Variants in ATP11A observed in about 807,000 individuals in gnomAD.
ATP11A encodes ATPase phospholipid transporting 11A, also known as phospholipid-transporting ATPase IH.
In ATP11A, 81 loss-of-function variants were observed where a neutral mutation model predicts 154.4. That is an observed-to-expected ratio of 0.52 (90% CI 0.44 to 0.63). The LOEUF is 0.63. Ranked by LOEUF, ATP11A falls within the 30% of genes least tolerant of loss-of-function variation. ATP11A has a pLI of 0.00. For missense variants in ATP11A, 1,316 were observed against 1,474.3 expected (o/e 0.89, Z 1.76); for synonymous variants, 623 against 585.9 (o/e 1.06, Z -0.91).
In ATP11A at chr13:112,753,149, C is replaced by T. The variant is rs749671465; in HGVS notation, c.40-31986C>T. ...CCAGACTTTTTTCTCTCTGTCCCTC[C>T]GTCCCTTTGTACCTGCGTGTTATGT... On this transcript the variant is annotated intron_variant, in intron 1 of 29. Transcript: ENST00000375645. The surrounding 1 kb of genome is among the most constrained non-coding windows in gnomAD (Gnocchi z 4.1). 2.0e-5 allele frequency among the ~76,000 whole-genome samples: 3 copies of T among 152,146 alleles called. No homozygotes were observed. The highest frequency in any genetic ancestry group is 6.5e-5 in the Admixed American group (1 of 15,278).
chr13:112,830,273 C>G (rs2079050772), intron 12 of ATP11A, among the ~76,000 whole-genome samples: 1 of 152,118 alleles, frequency 6.6e-6, no homozygotes, highest in Non-Finnish European at 1.5e-5. Context: ...TCCATTTTAC[C>G]CTTTTAAAAA....
At chr13:112,870,852 C>A (rs529970899) in intron 25 of ATP11A, among the ~76,000 whole-genome samples, 38 of 152,358 alleles carry the variant, frequency 2.5e-4, no homozygotes, top group Non-Finnish European at 4.6e-4. Context: ...GGGCAGCAGC[C>A]CTTTCTGGCC....
In ATP11A at chr13:112,860,313, C is replaced by T; in HGVS notation, c.2754C>T (p.Thr918=). 6.2e-7 allele frequency: 1 copy of T among 1,614,096 alleles called. No homozygotes were observed. The highest frequency in any genetic ancestry group is 1.3e-5 in the African/African-American group (1 of 75,016). ...CTTTGTACGACACCGCGTATCTGAC[C>T]CTCTACAACATCAGCTTCACCTCCC... ...QQTLYDTAYL[T]LYNISFTSLP... is the part of the protein sequence containing the mutation. The change falls in exon 24 of 30, where the codon ACC becomes ACT. Residue 918 remains threonine, a synonymous_variant. Transcript: ENST00000375645.
chr13:112,793,007 T>C (rs1172026762), intron 2 of ATP11A, among the ~76,000 whole-genome samples: 1 of 152,218 alleles, frequency 6.6e-6, no homozygotes, highest in Non-Finnish European at 1.5e-5. Context: ...GACTTCTATT[T>C]GTATAAATGA....
chr13:112,795,022 T>A (rs1489745597), intron 2 of ATP11A, among the ~76,000 whole-genome samples: 2 of 152,110 alleles, frequency 1.3e-5, no homozygotes, highest in Non-Finnish European at 2.9e-5. Flanking sequence ...GGCAGGTGGA[T>A]CACCTGAAGT....
intron 25 of ATP11A, among the ~76,000 whole-genome samples, chr13:112,862,887 C>A (rs1269521423): frequency 1.8e-4 from 27 of 146,212 alleles, no homozygotes; most frequent in Admixed American, 5.4e-4. Flanking sequence ...TCAGTGCAGC[C>A]CATGCAGCTT....
intron 29 of ATP11A, chr13:112,881,191 A>G (rs922513125): frequency 2.0e-6 from 2 of 989,308 alleles, no homozygotes; most frequent in African/African-American, 3.5e-5. Flanking sequence ...ACGGCCCCTC[A>G]TCAGACAGAT....
chr13:112,767,718 C>G (rs996174429), intron 1 of ATP11A, among the ~76,000 whole-genome samples: 1 of 152,104 alleles, frequency 6.6e-6, no homozygotes, highest in African/African-American at 2.4e-5. Flanking sequence ...TTTACTTTCC[C>G]CACTTGGCCA....
At chr13:112,812,919 T>G (rs920083095) in intron 5 of ATP11A, among the ~76,000 whole-genome samples, 1 of 152,224 alleles carries the variant, frequency 6.6e-6, no homozygotes, top group African/African-American at 2.4e-5. Flanking sequence ...AATGATTATA[T>G]TTCCCTTGCA....
Position 112,746,721 on chromosome 13 carries a change from A to G in ATP11A, c.40-38414A>G, listed in dbSNP as rs1429490106. On this transcript the variant is annotated intron_variant, in intron 1 of 29. Coordinates refer to ENST00000375645, the MANE Select transcript of ATP11A (RefSeq NM_015205.3). The surrounding 1 kb of genome is among the most constrained non-coding windows in gnomAD (Gnocchi z 4.1). ...CCACCATGCCTGGCTAATTAAAAAA[A>G]AAAAAAAAAAAAGACAACTTTTTTT... is the stretch of plus-strand genomic sequence containing the variant. The G allele has an allele frequency of 6.6e-6, 1 of 151,532 alleles. No homozygotes were observed. The highest frequency in any genetic ancestry group is 1.5e-5 in the Non-Finnish European group (1 of 67,854). The allele number at this position is 151,532 out of a possible 1,614,324, so 9.4% of individuals were successfully genotyped here.
intron 1 of ATP11A, among the ~76,000 whole-genome samples, chr13:112,694,546 C>A (rs1227377667): frequency 6.6e-6 from 1 of 152,146 alleles, no homozygotes; most frequent in African/African-American, 2.4e-5. Context: ...GCTGAGCATC[C>A]CGGCGTGGGC....
intron 24 of ATP11A, 120 bp from the exon 25 acceptor site, chr13:112,862,320 A>G (rs777936649): frequency 2.5e-6 from 3 of 1,212,508 alleles, no homozygotes; most frequent in Non-Finnish European, 2.3e-6. Context: ...CTTGATGTTT[A>G]CTGGCCGTGC....
chr13:112,718,259 G>C (rs1285038841), intron 1 of ATP11A, among the ~76,000 whole-genome samples: 1 of 152,108 alleles, frequency 6.6e-6, no homozygotes, highest in Non-Finnish European at 1.5e-5. Context: ...AAACAATATA[G>C]ATATTAAAAG....
rs1368938205 is a variant in ATP11A, at chr13:112,875,764, C to T, written c.3162-12C>T. ...CATGCCTCACCAGCGGCTTCTCTTC[C>T]CTGCCCCTCAGGCCGTTCCTCAACT... is the stretch of plus-strand genomic sequence containing the variant. On this transcript the variant is annotated splice_polypyrimidine_tract_variant and intron_variant, in intron 27 of 29. Coordinates refer to ENST00000375645, the MANE Select transcript of ATP11A (RefSeq NM_015205.3). This position sits in a 1 kb window ranked among gnomAD's most constrained non-coding sequence, Gnocchi z 4.1. The T allele has an allele frequency of 3.1e-6, 5 of 1,611,142 alleles. No individual in the cohort carries two copies. The highest frequency in any genetic ancestry group is 3.4e-6 in the Non-Finnish European group (4 of 1,177,994).
At chr13:112,787,677 C>G (rs71208916) in intron 2 of ATP11A, among the ~76,000 whole-genome samples, 200 of 125,412 alleles carry the variant, frequency 1.6e-3, no homozygotes, top group African/African-American at 2.2e-3. Context: ...CTACTTAATT[C>G]ACACCGGGTG....
chr13:112,867,082 G>A (rs1255300911), intron 25 of ATP11A, among the ~76,000 whole-genome samples: 1 of 152,122 alleles, frequency 6.6e-6, no homozygotes, highest in East Asian at 1.9e-4. Flanking sequence ...CTAAGAGGTA[G>A]TGTCCTGAGC....
At chr13:112,811,150 C>A (rs2078483004) in intron 5 of ATP11A, among the ~76,000 whole-genome samples, 1 of 120,318 alleles carries the variant, frequency 8.3e-6, no homozygotes, top group African/African-American at 3.7e-5. Context: ...GATGTACCCA[C>A]TGCCCCTTCC....
chr13:112,751,064 G>T (rs747195310), intron 1 of ATP11A, among the ~76,000 whole-genome samples: 10 of 152,220 alleles, frequency 6.6e-5, no homozygotes, highest in African/African-American at 1.9e-4. Flanking sequence ...GAACCTTGGC[G>T]GTGGGGCCGC....
At chr13:112,780,618 GTC>G (rs2077474616) in intron 1 of ATP11A, among the ~76,000 whole-genome samples, 1 of 152,206 alleles carries the variant, frequency 6.6e-6, no homozygotes, top group Admixed American at 6.5e-5. Context: ...CCCTCCAGGA[GTC>G]GCTCGAGATG....
Sources: gnomAD v4.1 joint callset for allele counts (sites outside exome capture counted in the v4.1 genomes callset) on GRCh38, gnomAD v4.1.1 for gene constraint, Gnocchi (gnomAD v3.1) non-coding constraint, MANE v1.5 for transcripts, NCBI Gene and HGNC (gene_info 2026-07-23, HGNC 2026-07-21) for gene names.